PPP2R2C: variants seen among roughly 807,000 people sequenced by gnomAD.
PPP2R2C encodes the protein protein phosphatase 2, regulatory subunit B, gamma.
In PPP2R2C, 10 loss-of-function variants were observed where a neutral mutation model predicts 45.3. The ratio of observed to expected loss-of-function variants is 0.22; its 90% CI spans 0.14 to 0.37. The LOEUF (loss-of-function observed/expected upper bound fraction) is 0.37, where lower values mean the gene tolerates loss of function less well. Among genes scored for constraint, PPP2R2C ranks in the 10% least tolerant of loss-of-function variants. The pLI is 1.00. For missense variants in PPP2R2C, 308 were observed against 619.7 expected (o/e 0.50, Z 5.34); for synonymous variants, 257 against 245.4 (o/e 1.05, Z -0.44).
chr4:6,558,355 T>C (rs1444150666), intron 1 of PPP2R2C, among the ~76,000 whole-genome samples: 3 of 152,160 alleles, frequency 2.0e-5, no homozygotes, highest in African/African-American at 7.2e-5. Context: ...ACAGGGAAAT[T>C]GTACCTGCAG....
rs1041778120 is a variant in PPP2R2C at position 6,344,888 on chromosome 4, C to T, written c.790+2958G>A. On this transcript the variant is annotated intron_variant, in intron 6 of 8. Coordinates refer to ENST00000382599, the MANE Select transcript of PPP2R2C (RefSeq NM_020416.4). ...TCTAGTACATGGATGTCATCACTGT[C>T]GACATCATTTTCTCGGCATTTTAAA... Among the ~76,000 whole-genome samples, 7 of 152,130 alleles carry T rather than the reference C, an allele frequency of 4.6e-5. No individual in the cohort carries two copies. In the East Asian group the frequency reaches 7.7e-4, roughly 17 times the overall value.
chr4:6,356,610 C>T (rs1292369069), intron 5 of PPP2R2C, among the ~76,000 whole-genome samples: 1 of 152,256 alleles, frequency 6.6e-6, no homozygotes, highest in Non-Finnish European at 1.5e-5. Flanking sequence ...CACTCTGCAG[C>T]TCCCAGATGA....
intron 2 of PPP2R2C, among the ~76,000 whole-genome samples, chr4:6,518,922 TAAAAAAAA>T (rs56002128): frequency 4.7e-4 from 44 of 92,906 alleles, no homozygotes; most frequent in African/African-American, 2.1e-3. Context: ...GACTCTGTCT[TAAAAAAAA>T]AAAAAAAAAA....
chr4:6,328,386 ACT>A lies in PPP2R2C; in HGVS notation c.1052+874_1052+875del. Among the ~76,000 whole-genome samples the A allele has an allele frequency of 6.6e-6, 1 of 152,314 alleles. No homozygotes were observed. The highest frequency in any genetic ancestry group is 3.4e-3 in the Middle Eastern group (1 of 294). ...CCTTGAGGAAGCAGCTGTAGGAGAC[ACT>A]GAGAGGCCACCTCTCAGCTTCTGAG... On this transcript the variant is annotated intron_variant, in intron 8 of 8. Transcript: ENST00000382599. The surrounding 1 kb of genome is among the most constrained non-coding windows in gnomAD (Gnocchi z 4.4).
intron 2 of PPP2R2C, among the ~76,000 whole-genome samples, chr4:6,528,239 G>A (rs1020281827): frequency 6.6e-6 from 1 of 152,228 alleles, no homozygotes; most frequent in Non-Finnish European, 1.5e-5. Flanking sequence ...CTGGCTCTCC[G>A]GAAGGCCAGC....
chr4:6,330,504 C>A lies in PPP2R2C; in HGVS notation c.961-1151G>T, dbSNP rs1210358790. On this transcript the variant is annotated intron_variant, in intron 7 of 8. Transcript: ENST00000382599. The surrounding 1 kb of genome is among the most constrained non-coding windows in gnomAD (Gnocchi z 7.0). ...CCTCCATCATGTGGGGGGCCTTGTC[C>A]AATCAGTCGAAGGCCCTGATAGAAC... Among the ~76,000 whole-genome samples, 1 of 152,076 alleles carries A rather than the reference C, an allele frequency of 6.6e-6. No individual in the cohort carries two copies. Among genetic ancestry groups the A allele is most frequent in the East Asian group, 1.9e-4 (1 of 5,180 alleles).
chr4:6,407,396 TTTTG>T (rs144191632), intron 1 of PPP2R2C, among the ~76,000 whole-genome samples: 1,814 of 152,226 alleles, frequency 0.012, 31 homozygotes, highest in African/African-American at 0.04. Context: ...CAACTGGTTT[TTTTG>T]TTTGTTTGTT....
At chr4:6,518,737 A>G (rs1238405877) in intron 2 of PPP2R2C, among the ~76,000 whole-genome samples, 1 of 152,128 alleles carries the variant, frequency 6.6e-6, no homozygotes, top group Non-Finnish European at 1.5e-5. Flanking sequence ...AGCCTGGCCA[A>G]TGTGGTGAAA....
chr4:6,371,357 G>T (rs956032635), intron 5 of PPP2R2C, among the ~76,000 whole-genome samples: 1 of 152,198 alleles, frequency 6.6e-6, no homozygotes, highest in Admixed American at 6.5e-5. Flanking sequence ...AAAGCCATTT[G>T]TTACTCTCTT....
intron 1 of PPP2R2C, among the ~76,000 whole-genome samples, chr4:6,562,623 C>A (rs1483064256): frequency 6.6e-6 from 1 of 152,164 alleles, no homozygotes. Flanking sequence ...AAAGCAAAAA[C>A]AGATTCCTGG....
At chr4:6,495,949 C>T (rs1034522864) in intron 2 of PPP2R2C, among the ~76,000 whole-genome samples, 5 of 152,222 alleles carry the variant, frequency 3.3e-5, no homozygotes, top group African/African-American at 1.2e-4. Context: ...TTCAGGGAGA[C>T]TCTGTCCCAG....
At position 6,471,869 on chromosome 4, in the gene PPP2R2C, G is replaced by T. The variant is rs965675900; in HGVS notation, c.70+291C>A. Among the ~76,000 whole-genome samples, 28 of 152,028 alleles carry T rather than the reference G, an allele frequency of 1.8e-4. No homozygotes were observed. Among genetic ancestry groups the T allele is most frequent in the African/African-American group, 6.5e-4 (27 of 41,482 alleles). On this transcript the variant is annotated intron_variant, in intron 1 of 8. Transcript: ENST00000382599. This position sits in a 1 kb window ranked among gnomAD's most constrained non-coding sequence, Gnocchi z 5.6. ...AAAATTATGGTCAGGGCCGAATCAG[G>T]ATGCCACCTGGCTTGGGAGAGGAAA...
chr4:6,509,033 C>T (rs78332571), intron 2 of PPP2R2C, among the ~76,000 whole-genome samples: 5,883 of 152,326 alleles, frequency 0.039, 129 homozygotes, highest in African/African-American at 0.064. Context: ...GCCCCTCAGA[C>T]GAATCCTTTC....
intron 1 of PPP2R2C, among the ~76,000 whole-genome samples, chr4:6,535,539 T>C (rs1031265297): frequency 2.0e-5 from 3 of 152,062 alleles, no homozygotes; most frequent in African/African-American, 4.8e-5. Flanking sequence ...AATGCCTCCC[T>C]CCTCCCGGCT....
At chr4:6,509,438 C>G (rs886745775) in intron 2 of PPP2R2C, among the ~76,000 whole-genome samples, 12 of 151,414 alleles carry the variant, frequency 7.9e-5, no homozygotes, top group African/African-American at 2.9e-4. Flanking sequence ...ATTCAGAAAT[C>G]AATAACTGCA....
chr4:6,482,276 T>C (rs1368503936), intron 2 of PPP2R2C, among the ~76,000 whole-genome samples: 1 of 152,202 alleles, frequency 6.6e-6, no homozygotes, highest in Admixed American at 6.5e-5. Flanking sequence ...AGCTTCCCTG[T>C]GAGGTGAATA....
At chr4:6,377,329 A>C (rs970557731) in intron 3 of PPP2R2C, among the ~76,000 whole-genome samples, 13 of 152,148 alleles carry the variant, frequency 8.5e-5, no homozygotes, top group African/African-American at 2.9e-4. Flanking sequence ...AAGCAAGGTC[A>C]CTGCCCAAGG....
intron 6 of PPP2R2C, among the ~76,000 whole-genome samples, chr4:6,336,565 G>A (rs59071842): frequency 0.046 from 6,185 of 135,658 alleles, 1,076 homozygotes; most frequent in African/African-American, 0.22. Context: ...AGGCAGGGCC[G>A]CAGGCAGCAA....
In PPP2R2C at chr4:6,548,190, C is replaced by T. The variant is rs981700443; in HGVS notation, c.-58-12813G>A. On this transcript the variant is annotated intron_variant, in intron 1 of 9. Coordinates refer to the PPP2R2C transcript ENST00000506140. Reference sequence around the variant, plus strand: ...CCAAGATCATGCCACTGCACTCCAGCCGGGGCAACAGAGTGAGACTCTGTC... The same window carrying T: ...CCAAGATCATGCCACTGCACTCCAGTCGGGGCAACAGAGTGAGACTCTGTC... Among the ~76,000 whole-genome samples, 4 of 152,202 alleles carry T rather than the reference C, an allele frequency of 2.6e-5. No individual in the cohort carries two copies. In the South Asian group the frequency reaches 8.3e-4, roughly 32 times the overall value.
Sources: allele counts gnomAD v4.1 joint callset (sites outside exome capture counted in the v4.1 genomes callset), GRCh38; gene constraint gnomAD v4.1.1; non-coding constraint Gnocchi (gnomAD v3.1); transcripts MANE v1.5; gene names NCBI Gene and HGNC (gene_info 2026-07-23, HGNC 2026-07-21).